The following DNAI4 variants were observed in gnomAD, a reference collection of about 807,000 sequenced individuals.
DNAI4 encodes the protein WD repeat domain 78.
Under a neutral mutation model 105.8 loss-of-function variants are expected in DNAI4, and 85 were observed. The observed-to-expected ratio is 0.80, with a 90% CI of 0.67 to 0.96. The LOEUF is 0.96. Ranked by LOEUF, DNAI4 falls within the 40% of genes least tolerant of loss-of-function variation. The probability of loss-of-function intolerance (pLI) is 0.00; values close to 1 mark genes in which losing one functional copy is unlikely to be tolerated. For synonymous variants in DNAI4, 352 were observed against 331.5 expected (o/e 1.06, Z -0.67); for missense variants, 1,014 against 1,005.6 (o/e 1.01, Z -0.11).
At chr1:66,821,945 C>G (rs1440695266) in intron 16 of DNAI4, among the ~76,000 whole-genome samples, 3 of 152,032 alleles carry the variant, frequency 2.0e-5, no homozygotes, top group Non-Finnish European at 4.4e-5. Flanking sequence ...TATGATAATG[C>G]TAATCCAACA....
intron 16 of DNAI4, among the ~76,000 whole-genome samples, chr1:66,822,051 T>C (rs1645638617): frequency 6.6e-6 from 1 of 152,172 alleles, no homozygotes; most frequent in Non-Finnish European, 1.5e-5. Context: ...CTTCTTTGAA[T>C]ATCTTTAAGA....
At chr1:66,815,840 T>C (rs1645503429) in intron 16 of DNAI4, among the ~76,000 whole-genome samples, 1 of 152,226 alleles carries the variant, frequency 6.6e-6, no homozygotes, top group Admixed American at 6.5e-5. Flanking sequence ...ATTGGAAGCC[T>C]TGGATCCCAG....
intron 1 of DNAI4, among the ~76,000 whole-genome samples, chr1:66,912,617 C>T (rs1340288852): frequency 6.6e-6 from 1 of 152,102 alleles, no homozygotes; most frequent in Non-Finnish European, 1.5e-5. Flanking sequence ...TCATGCCTCC[C>T]GACAATGTAT....
At chr1:66,842,874 T>C (rs901772614) in intron 8 of DNAI4, among the ~76,000 whole-genome samples, 1 of 152,266 alleles carries the variant, frequency 6.6e-6, no homozygotes, top group South Asian at 2.1e-4. Context: ...TACCTCATTG[T>C]TGTTTTAATT....
intron 1 of DNAI4, among the ~76,000 whole-genome samples, chr1:66,906,009 C>T (rs532137924): frequency 9.3e-5 from 14 of 150,466 alleles, no homozygotes; most frequent in South Asian, 4.2e-4. Context: ...CCGCAACCTC[C>T]GCCTCCTGGG....
intron 6 of DNAI4, among the ~76,000 whole-genome samples, chr1:66,862,993 T>C (rs934150100): frequency 6.6e-6 from 1 of 152,242 alleles, no homozygotes; most frequent in African/African-American, 2.4e-5. Flanking sequence ...TGTGAAAAGA[T>C]TGCCCCTGCT....
At chr1:66,826,387 C>T (rs1471983708) in intron 15 of DNAI4, among the ~76,000 whole-genome samples, 3 of 152,108 alleles carry the variant, frequency 2.0e-5, no homozygotes, top group African/African-American at 7.2e-5. Context: ...CAACCTCTGC[C>T]TCTTGGGTTG....
intron 7 of DNAI4, among the ~76,000 whole-genome samples, chr1:66,853,402 A>G (rs1010511453): frequency 1.3e-5 from 2 of 152,214 alleles, no homozygotes; most frequent in Non-Finnish European, 2.9e-5. Context: ...ATTGAGTTTT[A>G]GGCCTGTGAG....
intron 1 of DNAI4, among the ~76,000 whole-genome samples, chr1:66,923,645 A>T (rs1650762237): frequency 6.6e-6 from 1 of 152,242 alleles, no homozygotes; most frequent in Non-Finnish European, 1.5e-5. Flanking sequence ...TGGCTTTCAT[A>T]GAAGCTGTTT....
chr1:66,828,435 T>C (rs1645799627), intron 13 of DNAI4: 1 of 152,202 alleles, frequency 6.6e-6, no homozygotes, highest in South Asian at 2.1e-4. Flanking sequence ...TCACATTCTC[T>C]TCAACAGTTA....
At chr1:66,887,082 C>T in intron 4 of DNAI4, among the ~76,000 whole-genome samples, 1 of 151,910 alleles carries the variant, frequency 6.6e-6, no homozygotes, top group South Asian at 2.1e-4. Flanking sequence ...CAGATCCTCA[C>T]TGAAAGAATC....
At position 66,874,762 on chromosome 1, in the gene DNAI4, A is replaced by T; in HGVS notation, c.800+19T>A. ...CATTTGAATTACAGAAACAATGTAGACAACTGAACCATACATACGTTACTT... is the reference window on the plus strand; with the variant it reads ...CATTTGAATTACAGAAACAATGTAGTCAACTGAACCATACATACGTTACTT... On this transcript the variant is annotated intron_variant, in intron 5 of 16. Transcript: ENST00000371026. The T allele has an allele frequency of 1.3e-6, 2 of 1,585,204 alleles. No homozygotes were observed. The highest frequency in any genetic ancestry group is 1.4e-5 in the African/African-American group (1 of 73,102).
chr1:66,924,776 C>A lies in DNAI4; in HGVS notation c.56G>T (p.Trp19Leu). Reference protein sequence around the residue: ...ASARAANGGAWGYRDFRGGQK... With the variant: ...ASARAANGGALGYRDFRGGQK... Reference sequence around the variant, plus strand: ...GCCGCCTCTGAAGTCCCTGTACCCCCAAGCTCCTCCGTTAGCGGCTCGGGC... The same window carrying A: ...GCCGCCTCTGAAGTCCCTGTACCCCAAAGCTCCTCCGTTAGCGGCTCGGGC... Residue 19 changes from tryptophan (W) to leucine (L), a missense_variant, in exon 1 of 17, where the codon TGG becomes TTG. By Grantham distance (61) the Trp-to-Leu change is moderately conservative (BLOSUM62 -2). Coordinates refer to ENST00000371026, the MANE Select transcript of DNAI4 (RefSeq NM_024763.5). The A allele has an allele frequency of 6.2e-7, 1 of 1,613,944 alleles. No individual in the cohort carries two copies. The highest frequency in any genetic ancestry group is 2.2e-5 in the East Asian group (1 of 44,860).
At position 66,833,461 on chromosome 1, in the gene DNAI4, G is replaced by A. The variant is rs1645911549; in HGVS notation, c.2013+124C>T. 3 of 1,111,120 alleles carry A rather than the reference G, an allele frequency of 2.7e-6. No homozygotes were observed. The African/African-American group carries it at 4.7e-5, about 18-fold the overall frequency. 68.8% of individuals were successfully genotyped at this position (1,111,120 alleles called of 1,614,324 possible). A position where few individuals can be genotyped will look rare whatever the true frequency, so the allele number is the denominator to read the frequency against. ...CCAGGCAATCATTTATCTACTTTCTGTCTCTAATATATTAGGCACAGTATT... is the reference window on the plus strand; with the variant it reads ...CCAGGCAATCATTTATCTACTTTCTATCTCTAATATATTAGGCACAGTATT... On this transcript the variant is annotated intron_variant, in intron 13 of 16. Coordinates refer to ENST00000371026, the MANE Select transcript of DNAI4 (RefSeq NM_024763.5).
rs1205886086 is a variant in DNAI4 at position 66,836,257 on chromosome 1, AAAG to A, written c.1582-483_1582-481del. Reference sequence around the variant, plus strand: ...GAGAAAGAAAGAAAGAGAGAGAGAGAAAGAAAGAAAGAAAGAAAGAAAGAAAGA... The same window carrying A: ...GAGAAAGAAAGAAAGAGAGAGAGAGAAAAGAAAGAAAGAAAGAAAGAAAGA... On this transcript the variant is annotated intron_variant, in intron 10 of 16. Coordinates refer to ENST00000371026, the MANE Select transcript of DNAI4 (RefSeq NM_024763.5). Among the ~76,000 whole-genome samples the A allele has an allele frequency of 8.2e-4, 6 of 7,290 alleles. No homozygotes were observed. The East Asian group carries it at 0.021, about 26-fold the overall frequency. The allele number at this position is 7,290 out of a possible 152,430, so 4.8% of individuals were successfully genotyped here.
chr1:66,876,211 G>C (rs1290169007), intron 4 of DNAI4, among the ~76,000 whole-genome samples: 2 of 151,908 alleles, frequency 1.3e-5, no homozygotes, highest in Non-Finnish European at 2.9e-5. Context: ...CAAAATTTGA[G>C]GTACATGTAG....
At chr1:66,849,465 A>T (rs1037282237) in intron 7 of DNAI4, among the ~76,000 whole-genome samples, 4 of 152,220 alleles carry the variant, frequency 2.6e-5, no homozygotes, top group South Asian at 2.1e-4. Context: ...TTTAGAAAAG[A>T]TCCAGACTCT....
At chr1:66,891,354 A>G in intron 3 of DNAI4, 88 bp from the exon 4 acceptor site, 3 of 879,202 alleles carry the variant, frequency 3.4e-6, no homozygotes, top group East Asian at 5.1e-5. Flanking sequence ...TATCAGATGG[A>G]GAAATCAAAT....
At chr1:66,897,470 A>G (rs1648429404) in intron 2 of DNAI4, among the ~76,000 whole-genome samples, 1 of 152,224 alleles carries the variant, frequency 6.6e-6, no homozygotes, top group African/African-American at 2.4e-5. Flanking sequence ...AGTTTAGTAC[A>G]GATAGAAGGG....
Sources: allele counts gnomAD v4.1 joint callset (sites outside exome capture counted in the v4.1 genomes callset), GRCh38; gene constraint gnomAD v4.1.1; transcripts MANE v1.5; gene names NCBI Gene and HGNC (gene_info 2026-07-23, HGNC 2026-07-21).